Variants in SNX29 observed in about 807,000 individuals in gnomAD.
The protein encoded by SNX29 is sorting nexin-29.
A neutral mutation model predicts 102.1 loss-of-function variants in SNX29; 78 were observed. The ratio of observed to expected loss-of-function variants is 0.76; its 90% CI spans 0.64 to 0.92. The LOEUF is 0.92. SNX29 is among the 40% of genes least tolerant of loss of function. SNX29 has a pLI of 0.00. For missense variants in SNX29, 1,280 were observed against 1,061.7 expected (o/e 1.21, Z -2.86); for synonymous variants, 580 against 414.5 (o/e 1.40, Z -4.85).
chr16:12,088,869 C>T (rs539013436), intron 11 of SNX29, among the ~76,000 whole-genome samples: 2 of 152,288 alleles, frequency 1.3e-5, no homozygotes, highest in South Asian at 4.1e-4. Flanking sequence ...GCGGATTACT[C>T]TTGAGGTCAG....
At chr16:12,353,085 C>T (rs752459897) in intron 15 of SNX29, among the ~76,000 whole-genome samples, 22 of 152,146 alleles carry the variant, frequency 1.4e-4, no homozygotes, top group Admixed American at 2.0e-4. Flanking sequence ...TTCCCTGACA[C>T]CCTGTCTTCT....
chr16:12,117,844 C>T (rs903186619), intron 11 of SNX29, among the ~76,000 whole-genome samples: 2 of 151,990 alleles, frequency 1.3e-5, no homozygotes, highest in African/African-American at 2.4e-5. Flanking sequence ...AGCTGTAATC[C>T]CAGCACTTTG....
At chr16:12,115,822 C>G (rs2053676426) in intron 11 of SNX29, among the ~76,000 whole-genome samples, 1 of 152,192 alleles carries the variant, frequency 6.6e-6, no homozygotes, top group African/African-American at 2.4e-5. Context: ...GCTTGCAGCT[C>G]TCTGCCCACT....
chr16:12,324,620 A>G (rs751401006), intron 15 of SNX29, among the ~76,000 whole-genome samples: 2 of 151,872 alleles, frequency 1.3e-5, no homozygotes, highest in Non-Finnish European at 2.9e-5. Flanking sequence ...CCTGTTTGCA[A>G]CCTCTGGTCT....
chr16:12,064,707 C>T (rs1018659955), intron 9 of SNX29, among the ~76,000 whole-genome samples: 1 of 152,230 alleles, frequency 6.6e-6, no homozygotes, highest in Non-Finnish European at 1.5e-5. Flanking sequence ...TCCCTTCTGT[C>T]CTGATGCCCC....
At chr16:12,515,873 C>G (rs7191573) in intron 19 of SNX29, among the ~76,000 whole-genome samples, 18,392 of 152,104 alleles carry the variant, frequency 0.12, 1,228 homozygotes, top group Non-Finnish European at 0.15. Flanking sequence ...GGGCGTAAAT[C>G]TGTAACTCGA....
chr16:12,300,891 C>CAA (rs2080152894), intron 15 of SNX29, among the ~76,000 whole-genome samples: 1 of 152,066 alleles, frequency 6.6e-6, no homozygotes, highest in African/African-American at 2.4e-5. Flanking sequence ...TTGTGATCAC[C>CAA]AAAAATGTCT....
intron 11 of SNX29, among the ~76,000 whole-genome samples, chr16:12,123,836 TG>T (rs1479479856): frequency 2.6e-5 from 4 of 152,314 alleles, no homozygotes; most frequent in African/African-American, 9.6e-5. Flanking sequence ...GTGGGCCCCA[TG>T]GTCTCTGTCA....
chr16:12,398,915 G>A (rs1410365510), intron 17 of SNX29, among the ~76,000 whole-genome samples: 8 of 152,164 alleles, frequency 5.3e-5, no homozygotes, highest in African/African-American at 1.2e-4. Flanking sequence ...GGAAGTGACC[G>A]ACTTCACTCA....
intron 13 of SNX29, among the ~76,000 whole-genome samples, chr16:12,156,206 C>T (rs2055542819): frequency 6.6e-6 from 1 of 152,184 alleles, no homozygotes; most frequent in Non-Finnish European, 1.5e-5. Context: ...TGGAGTCTTG[C>T]TCTGTCGCCC....
At chr16:12,054,950 A>G (rs1360031318) in intron 8 of SNX29, among the ~76,000 whole-genome samples, 1 of 152,002 alleles carries the variant, frequency 6.6e-6, no homozygotes, top group Non-Finnish European at 1.5e-5. Context: ...CACACGCAAG[A>G]TTTTTTTCCT....
Position 12,043,148 on chromosome 16 carries a change from C to G in SNX29, c.428+71C>G. On this transcript the variant is annotated intron_variant, in intron 5 of 20. Transcript: ENST00000566228. ...AAGATCTTGGAGTCTGGAATCAGAC[C>G]ACCTGGATTTTCATCCTAGTTCCCC... 3 of 1,566,896 alleles carry G rather than the reference C, an allele frequency of 1.9e-6. No homozygotes were observed. The South Asian group carries it at 3.4e-5, about 18-fold the overall frequency.
chr16:12,233,363 G>C (rs77421467), intron 14 of SNX29, among the ~76,000 whole-genome samples: 320 of 152,282 alleles, frequency 2.1e-3, no homozygotes, highest in Non-Finnish European at 3.9e-3. Flanking sequence ...TGCATGTTCT[G>C]ACTTATAAGT....
At chr16:12,088,425 C>T (rs1596834367) in intron 11 of SNX29, among the ~76,000 whole-genome samples, 1 of 152,170 alleles carries the variant, frequency 6.6e-6, no homozygotes, top group East Asian at 1.9e-4. Context: ...CCCACTTGTT[C>T]TTATACTTAG....
At chr16:12,238,991 C>T (rs115673154) in intron 14 of SNX29, among the ~76,000 whole-genome samples, 23 of 152,330 alleles carry the variant, frequency 1.5e-4, no homozygotes, top group South Asian at 6.2e-4. Context: ...GACTCTCCCC[C>T]GCTAACTGTC....
chr16:12,311,135 C>T (rs766472098), intron 15 of SNX29, among the ~76,000 whole-genome samples: 20 of 152,162 alleles, frequency 1.3e-4, no homozygotes, highest in South Asian at 2.1e-4. Flanking sequence ...AGCTGCATTG[C>T]TAAAAAATTA....
At chr16:12,166,310 G>A (rs957997804) in intron 13 of SNX29, among the ~76,000 whole-genome samples, 8 of 152,206 alleles carry the variant, frequency 5.3e-5, no homozygotes, top group African/African-American at 1.9e-4. Context: ...AGGGGGCCAT[G>A]ATGGGCATTC....
chr16:12,540,273 G>C (rs1374325557), intron 20 of SNX29, among the ~76,000 whole-genome samples: 1 of 152,182 alleles, frequency 6.6e-6, no homozygotes, highest in South Asian at 2.1e-4. Context: ...CAAGTGGAGG[G>C]AGGACAGGAC....
chr16:12,337,818 C>T (rs1478096821), intron 15 of SNX29, among the ~76,000 whole-genome samples: 3 of 152,132 alleles, frequency 2.0e-5, no homozygotes, highest in African/African-American at 7.2e-5. Flanking sequence ...CAGCATCTTC[C>T]CTCATCATCT....
Sources: allele counts gnomAD v4.1 joint callset (sites outside exome capture counted in the v4.1 genomes callset), GRCh38; gene constraint gnomAD v4.1.1; transcripts MANE v1.5; gene names NCBI Gene and HGNC (gene_info 2026-07-23, HGNC 2026-07-21).